Variants in FHIT observed in about 807,000 individuals in gnomAD.
The protein encoded by FHIT is fragile histidine triad diadenosine triphosphatase.
FHIT carries 19 observed loss-of-function variants against 17.9 expected under a neutral mutation model. The ratio of observed to expected loss-of-function variants is 1.06; its 90% confidence interval spans 0.74 to 1.56. The LOEUF (loss-of-function observed/expected upper bound fraction) is 1.56, where lower values mean the gene tolerates loss of function less well. Ranked by LOEUF, FHIT falls within the 40% of genes most tolerant of loss-of-function variation. The probability of loss-of-function intolerance (pLI) is 0.00; values close to 1 mark genes in which losing one functional copy is unlikely to be tolerated. For missense variants in FHIT, 248 were observed against 189.2 expected (o/e 1.31, Z -1.82); for synonymous variants, 81 against 69.7 (o/e 1.16, Z -0.81).
intron 2 of FHIT, among the ~76,000 whole-genome samples, chr3:61,085,601 T>G (rs1029458707): frequency 3.9e-5 from 6 of 152,260 alleles, no homozygotes; most frequent in East Asian, 1.9e-4. Flanking sequence ...TGTCCTTAAA[T>G]AACTCACGTT....
At chr3:60,370,097 C>T (rs1354339340) in intron 5 of FHIT, among the ~76,000 whole-genome samples, 1 of 152,222 alleles carries the variant, frequency 6.6e-6, no homozygotes, top group African/African-American at 2.4e-5. Flanking sequence ...CTCAATTCCT[C>T]ACACCTGGTG....
intron 5 of FHIT, among the ~76,000 whole-genome samples, chr3:60,028,373 A>G (rs1700844356): frequency 6.6e-6 from 1 of 152,212 alleles, no homozygotes; most frequent in South Asian, 2.1e-4. Context: ...TACAAGCTCC[A>G]CTACTAGCTC....
intron 1 of FHIT, among the ~76,000 whole-genome samples, chr3:61,246,222 T>G (rs1295731035): frequency 6.6e-6 from 1 of 152,210 alleles, no homozygotes; most frequent in Non-Finnish European, 1.5e-5. Flanking sequence ...CCAGCCACCC[T>G]CAGGACTGCT....
intron 5 of FHIT, among the ~76,000 whole-genome samples, chr3:60,071,569 G>A (rs1333446658): frequency 1.3e-5 from 2 of 152,034 alleles, no homozygotes; most frequent in African/African-American, 2.4e-5. Flanking sequence ...CCTTCTAAAT[G>A]CAGCTTGTAT....
intron 5 of FHIT, among the ~76,000 whole-genome samples, chr3:60,519,899 G>C (rs944308201): frequency 1.2e-4 from 18 of 152,114 alleles, no homozygotes; most frequent in Non-Finnish European, 2.4e-4. Context: ...CAATTTACTG[G>C]AGTGACCATC....
At chr3:59,897,304 A>G (rs1704113914) in intron 8 of FHIT, among the ~76,000 whole-genome samples, 1 of 152,214 alleles carries the variant, frequency 6.6e-6, no homozygotes, top group South Asian at 2.1e-4. Flanking sequence ...GCACAGCTCT[A>G]GACACCCTCC....
At chr3:60,660,377 G>A (rs1301994406) in intron 4 of FHIT, among the ~76,000 whole-genome samples, 2 of 152,086 alleles carry the variant, frequency 1.3e-5, no homozygotes, top group African/African-American at 2.4e-5. Flanking sequence ...GCTACTCCTG[G>A]AATCTGTGCA....
chr3:61,207,961 A>C (rs953719155), intron 1 of FHIT, among the ~76,000 whole-genome samples: 1 of 151,820 alleles, frequency 6.6e-6, no homozygotes, highest in Non-Finnish European at 1.5e-5. Context: ...TAGTGCTATA[A>C]ATTTCCCTCT....
intron 2 of FHIT, among the ~76,000 whole-genome samples, chr3:61,136,199 C>T (rs2036909838): frequency 6.6e-6 from 1 of 151,976 alleles, no homozygotes; most frequent in Non-Finnish European, 1.5e-5. Flanking sequence ...TTAGGCAATG[C>T]CACCACCACC....
At chr3:60,111,901 A>AAC (rs1353068317) in intron 5 of FHIT, among the ~76,000 whole-genome samples, 1 of 152,176 alleles carries the variant, frequency 6.6e-6, no homozygotes, top group Non-Finnish European at 1.5e-5. Flanking sequence ...CTTTGCCTGA[A>AAC]ACACCGTTCC....
At chr3:59,929,373 T>G (rs1021415831) in intron 7 of FHIT, among the ~76,000 whole-genome samples, 9 of 135,604 alleles carry the variant, frequency 6.6e-5, no homozygotes, top group Admixed American at 3.7e-4. Flanking sequence ...GTTTTTTTTT[T>G]TTTTTTTTTT....
intron 8 of FHIT, among the ~76,000 whole-genome samples, chr3:59,796,615 T>C (rs2106953661): frequency 6.6e-6 from 1 of 152,356 alleles, no homozygotes; most frequent in Non-Finnish European, 1.5e-5. Context: ...ATGAGATTCA[T>C]GTGTATGTGT....
intron 5 of FHIT, among the ~76,000 whole-genome samples, chr3:60,097,696 A>C (rs929517404): frequency 2.0e-5 from 3 of 151,574 alleles, no homozygotes; most frequent in Non-Finnish European, 4.4e-5. Context: ...TCTACCAATT[A>C]ATTTTTTCTT....
chr3:59,825,852 C>T (rs1212176029), intron 8 of FHIT, among the ~76,000 whole-genome samples: 1 of 152,174 alleles, frequency 6.6e-6, no homozygotes, highest in Non-Finnish European at 1.5e-5. Context: ...TGAATCCCAG[C>T]ACAGGAAATG....
intron 4 of FHIT, chr3:60,553,535 G>GAGGGAGGGA (rs1559534685): frequency 1.6e-5 from 2 of 121,638 alleles, no homozygotes; most frequent in African/African-American, 6.2e-5. Flanking sequence ...AGAGAGAGAG[G>GAGGGAGGGA]GAGAGAGAGA....
chr3:60,476,869 C>G (rs568976199), intron 5 of FHIT, among the ~76,000 whole-genome samples: 5 of 151,010 alleles, frequency 3.3e-5, no homozygotes, highest in Admixed American at 6.6e-5. Context: ...TTTTAAGAAG[C>G]CTTTTCCAGA....
At chr3:60,265,542 C>T (rs191928608) in intron 5 of FHIT, among the ~76,000 whole-genome samples, 10 of 151,858 alleles carry the variant, frequency 6.6e-5, no homozygotes, top group Admixed American at 1.3e-4. Flanking sequence ...GCACAAGCAA[C>T]GACAGCCACA....
intron 5 of FHIT, among the ~76,000 whole-genome samples, chr3:60,319,003 T>C (rs573473372): frequency 1.3e-5 from 2 of 152,256 alleles, no homozygotes; most frequent in Admixed American, 1.3e-4. Flanking sequence ...TGGCCTGCTC[T>C]CTGATTCTGA....
chr3:60,233,858 G>T (rs1393786776), intron 5 of FHIT, among the ~76,000 whole-genome samples: 1 of 152,066 alleles, frequency 6.6e-6, no homozygotes, highest in East Asian at 1.9e-4. Flanking sequence ...CTTACATCTT[G>T]CCTGCCGCCA....
Sources: gnomAD v4.1 joint callset for allele counts (sites outside exome capture counted in the v4.1 genomes callset) on GRCh38, gnomAD v4.1.1 for gene constraint, MANE v1.5 for transcripts, NCBI Gene and HGNC (gene_info 2026-07-23, HGNC 2026-07-21) for gene names.